Variants in ROBO1 observed in about 807,000 individuals in gnomAD.
ROBO1 encodes the protein roundabout guidance receptor 1, also known as roundabout homolog 1.
A neutral mutation model predicts 195.9 loss-of-function variants in ROBO1; 149 were observed. That is an observed-to-expected ratio of 0.76 (90% confidence interval 0.67 to 0.87). ROBO1 has a LOEUF of 0.87. Ranked by LOEUF, ROBO1 falls within the 40% of genes least tolerant of loss-of-function variation. The pLI, the probability that ROBO1 is intolerant of heterozygous loss-of-function variation, is 0.00. For missense variants in ROBO1, 1,933 were observed against 2,068.3 expected, an observed-to-expected ratio of 0.93 and a Z score of 1.27; for synonymous variants, 816 against 733.2, an observed-to-expected ratio of 1.11 and a Z score of -1.82.
intron 4 of ROBO1, among the ~76,000 whole-genome samples, chr3:78,803,127 G>A (rs1435872941): frequency 6.6e-6 from 1 of 152,102 alleles, no homozygotes; most frequent in African/African-American, 2.4e-5. Context: ...ACTTACTTGG[G>A]TTGAAATTCC....
intron 2 of ROBO1, among the ~76,000 whole-genome samples, chr3:79,384,293 T>C (rs1219272384): frequency 1.3e-5 from 2 of 152,010 alleles, no homozygotes; most frequent in Non-Finnish European, 2.9e-5. Context: ...AAATTCTACT[T>C]TTTGAATTCT....
chr3:79,635,111 A>G (rs976757052), intron 1 of ROBO1, among the ~76,000 whole-genome samples: 2 of 152,224 alleles, frequency 1.3e-5, no homozygotes, highest in African/African-American at 4.8e-5. Context: ...AGGCTGATGC[A>G]TGGTTGTGGA....
chr3:79,068,182 T>C (rs2108427237), intron 3 of ROBO1, among the ~76,000 whole-genome samples: 1 of 152,068 alleles, frequency 6.6e-6, no homozygotes, highest in Non-Finnish European at 1.5e-5. Context: ...TGGGGATCTT[T>C]GGAGGTAATC....
At chr3:78,636,746 C>T (rs936545284) in intron 22 of ROBO1, among the ~76,000 whole-genome samples, 1 of 151,098 alleles carries the variant, frequency 6.6e-6, no homozygotes, top group South Asian at 2.1e-4. Context: ...TTCATAATGA[C>T]AACCAAAGAA....
intron 4 of ROBO1, among the ~76,000 whole-genome samples, chr3:78,832,977 G>C (rs889696865): frequency 2.0e-5 from 3 of 152,154 alleles, no homozygotes; most frequent in Non-Finnish European, 2.9e-5. Flanking sequence ...CATTGATCTG[G>C]CAGGAGCACG....
chr3:78,598,790 TA>T lies in ROBO1; in HGVS notation c.*122del, dbSNP rs912032490. On this transcript the variant is annotated 3_prime_UTR_variant, in exon 31 of 31. Transcript: ENST00000464233. ...TAAAATGATATCCCAATAAGAGGAATAAAAACGACAATTTGTACACTCTGAT... is the reference window on the plus strand; with the variant it reads ...TAAAATGATATCCCAATAAGAGGAATAAAACGACAATTTGTACACTCTGAT... 3 of 583,118 alleles carry T rather than the reference TA, an allele frequency of 5.1e-6. No individual in the cohort carries two copies. The African/African-American group carries it at 6.8e-5, about 13-fold the overall frequency. 36.1% of individuals were successfully genotyped at this position (583,118 alleles called of 1,614,324 possible). A position where few individuals can be genotyped will look rare whatever the true frequency, so the allele number is the denominator to read the frequency against.
chr3:79,226,555 T>C (rs1429106392), intron 2 of ROBO1, among the ~76,000 whole-genome samples: 1 of 151,452 alleles, frequency 6.6e-6, no homozygotes, highest in Non-Finnish European at 1.5e-5. Flanking sequence ...TTTTTTTTTT[T>C]TTTAAGACAG....
At chr3:78,862,088 G>C (rs563120216) in intron 4 of ROBO1, among the ~76,000 whole-genome samples, 1 of 152,110 alleles carries the variant, frequency 6.6e-6, no homozygotes, top group South Asian at 2.1e-4. Context: ...GAGTGGGCTA[G>C]ATTATCTAGA....
At chr3:79,124,145 C>CA (rs1242552761) in intron 3 of ROBO1, among the ~76,000 whole-genome samples, 1 of 152,066 alleles carries the variant, frequency 6.6e-6, no homozygotes, top group Non-Finnish European at 1.5e-5. Flanking sequence ...TAAGGGATAA[C>CA]ATTTACAACT....
At chr3:79,290,726 C>A (rs762810136) in intron 2 of ROBO1, among the ~76,000 whole-genome samples, 4 of 152,130 alleles carry the variant, frequency 2.6e-5, no homozygotes, top group Non-Finnish European at 5.9e-5. Flanking sequence ...ATTCCTTGTT[C>A]TTTGGGATTG....
rs142184402 is a variant in ROBO1 at position 79,416,340 on chromosome 3, G to A, written c.88+173484C>T. ...GTAAAATTGGGCAGGGTGCTATGTC[G>A]CATGCCTGTAATCCTGGCACTTTGA... On this transcript the variant is annotated intron_variant, in intron 2 of 30. Coordinates refer to ENST00000464233, the MANE Select transcript of ROBO1 (RefSeq NM_002941.4). Among the ~76,000 whole-genome samples the A allele has an allele frequency of 5.3e-5, 8 of 151,556 alleles. 1 individual carries two copies. Among genetic ancestry groups the A allele is most frequent in the Middle Eastern group, 6.8e-3 (2 of 294 alleles).
intron 2 of ROBO1, among the ~76,000 whole-genome samples, chr3:79,403,852 T>C (rs1363318466): frequency 6.6e-6 from 1 of 152,016 alleles, no homozygotes; most frequent in Non-Finnish European, 1.5e-5. Context: ...TGGGAGATGC[T>C]TGAAACCATC....
chr3:79,713,446 A>G (rs1259504605), intron 1 of ROBO1, among the ~76,000 whole-genome samples: 1 of 152,130 alleles, frequency 6.6e-6, no homozygotes, highest in Non-Finnish European at 1.5e-5. Flanking sequence ...AAACATGAAC[A>G]AAGGTTTGGA....
intron 2 of ROBO1, among the ~76,000 whole-genome samples, chr3:79,350,260 G>A (rs946332292): frequency 1.3e-5 from 2 of 152,182 alleles, no homozygotes; most frequent in African/African-American, 4.8e-5. Context: ...CAATTCACAT[G>A]CACTAGGATG....
intron 2 of ROBO1, among the ~76,000 whole-genome samples, chr3:79,185,701 T>A (rs1382120401): frequency 6.6e-6 from 1 of 152,148 alleles, no homozygotes; most frequent in Non-Finnish European, 1.5e-5. Flanking sequence ...AATTTGTTGT[T>A]GTCGTTCAGT....
chr3:79,432,439 A>T (rs1008281168), intron 2 of ROBO1, among the ~76,000 whole-genome samples: 1 of 152,204 alleles, frequency 6.6e-6, no homozygotes, highest in East Asian at 1.9e-4. Flanking sequence ...ACCCAAACAA[A>T]GATCAAACTA....
intron 1 of ROBO1, among the ~76,000 whole-genome samples, chr3:79,706,561 G>A (rs1227448090): frequency 6.6e-6 from 1 of 152,048 alleles, no homozygotes; most frequent in Non-Finnish European, 1.5e-5. Context: ...TTTGTTGTGG[G>A]AGGGACCCGG....
intron 2 of ROBO1, among the ~76,000 whole-genome samples, chr3:79,137,492 A>C (rs907192050): frequency 1.3e-5 from 2 of 152,058 alleles, no homozygotes; most frequent in African/African-American, 4.8e-5. Flanking sequence ...TGTGAAAAAA[A>C]GGAAGTAAAA....
rs548737451 is a variant in ROBO1 at position 79,400,468 on chromosome 3, C to G, written c.88+189356G>C. Among the ~76,000 whole-genome samples the G allele has an allele frequency of 2.6e-5, 4 of 152,174 alleles. No individual in the cohort carries two copies. The South Asian group carries it at 8.3e-4, about 32-fold the overall frequency. On this transcript the variant is annotated intron_variant, in intron 2 of 30. Transcript: ENST00000464233. The stretch of plus-strand genomic sequence containing the variant: ...AAGCATTTTACATTTCCCCCCATCA[C>G]GCAAATCATGTGCACTTCTACTTTG...
Sources: gnomAD v4.1 joint callset for allele counts (sites outside exome capture counted in the v4.1 genomes callset) on GRCh38, gnomAD v4.1.1 for gene constraint, MANE v1.5 for transcripts, NCBI Gene and HGNC (gene_info 2026-07-23, HGNC 2026-07-21) for gene names.